GTF2A1L: variants seen among roughly 807,000 people sequenced by gnomAD.
GTF2A1L encodes the protein general transcription factor IIA subunit 1 like.
Under a neutral mutation model 49.7 loss-of-function variants are expected in GTF2A1L, and 48 were observed. The observed-to-expected ratio is 0.97, with a 90% CI of 0.77 to 1.23. The LOEUF (loss-of-function observed/expected upper bound fraction) is 1.23, where lower values mean the gene tolerates loss of function less well. Ranked by LOEUF, GTF2A1L falls within the 50% of genes most tolerant of loss-of-function variation. The pLI is 0.00. For synonymous variants in GTF2A1L, 246 were observed against 193.5 expected, an observed-to-expected ratio of 1.27 and a Z score of -2.25; for missense variants, 736 against 564.8, an observed-to-expected ratio of 1.30 and a Z score of -3.07.
chr2:48,625,159 C>T (rs1676229523), intron 3 of GTF2A1L, among the ~76,000 whole-genome samples: 1 of 143,794 alleles, frequency 7.0e-6, no homozygotes. Flanking sequence ...AATGGCTGAC[C>T]ATTCTGCATT....
At chr2:48,674,626 A>C (rs1026039658) in intron 8 of GTF2A1L, among the ~76,000 whole-genome samples, 33 of 152,302 alleles carry the variant, frequency 2.2e-4, no homozygotes, top group African/African-American at 7.7e-4. Context: ...ATTGCCTTCT[A>C]TAAAAAAACA....
chr2:48,661,308 T>G (rs762655785), intron 6 of GTF2A1L, among the ~76,000 whole-genome samples: 1 of 125,318 alleles, frequency 8.0e-6, no homozygotes, highest in Admixed American at 1.1e-4. Flanking sequence ...CAGGATGGAG[T>G]AGAGTGGCAC....
At chr2:48,673,310 A>G (rs538280006) in intron 8 of GTF2A1L, among the ~76,000 whole-genome samples, 1 of 151,986 alleles carries the variant, frequency 6.6e-6, no homozygotes, top group East Asian at 1.9e-4. Flanking sequence ...GATTAACAAG[A>G]GAAAATCATT....
intron 5 of GTF2A1L, among the ~76,000 whole-genome samples, chr2:48,645,902 C>A (rs192429538): frequency 6.6e-6 from 1 of 151,784 alleles, no homozygotes; most frequent in South Asian, 2.1e-4. Flanking sequence ...CCTGCCTTGG[C>A]CTCCCAAAGT....
intron 8 of GTF2A1L, among the ~76,000 whole-genome samples, chr2:48,674,969 G>A (rs1679386527): frequency 6.6e-6 from 1 of 152,096 alleles, no homozygotes; most frequent in African/African-American, 2.4e-5. Flanking sequence ...AAAGGGGAGT[G>A]ATGTAGTCAG....
chr2:48,678,130 T>C (rs545308811), intron 8 of GTF2A1L, among the ~76,000 whole-genome samples: 1 of 152,038 alleles, frequency 6.6e-6, no homozygotes, highest in South Asian at 2.1e-4. Flanking sequence ...ACTGAAGTAA[T>C]ATGATTTTTA....
chr2:48,665,926 A>G (rs1437497464), intron 6 of GTF2A1L, among the ~76,000 whole-genome samples: 1 of 151,842 alleles, frequency 6.6e-6, no homozygotes, highest in Non-Finnish European at 1.5e-5. Context: ...GTAATTTTAG[A>G]TTTGTCTATT....
At position 48,645,134 on chromosome 2, in the gene GTF2A1L, A is replaced by T; in HGVS notation, c.388+17A>T. 6.3e-7 allele frequency: 1 copy of T among 1,579,308 alleles called. No homozygotes were observed. Among genetic ancestry groups the T allele is most frequent in the Non-Finnish European group, 8.6e-7 (1 of 1,168,428 alleles). ...CTGTATCTGGTGAGAGTATATTCTAAGAATCTTTTTGTTTTCAGCATTGGT... is the reference window on the plus strand; with the variant it reads ...CTGTATCTGGTGAGAGTATATTCTATGAATCTTTTTGTTTTCAGCATTGGT... On this transcript the variant is annotated intron_variant, in intron 5 of 8. Transcript: ENST00000403751.
intron 2 of GTF2A1L, 79 bp from the exon 3 acceptor site, chr2:48,621,082 AGTTTTT>A: frequency 6.6e-7 from 1 of 1,521,824 alleles, no homozygotes; most frequent in Non-Finnish European, 8.8e-7. Context: ...GGATGACGTT[AGTTTTT>A]AAGAAACTGA....
chr2:48,641,750 G>C (rs1019929457), intron 3 of GTF2A1L, among the ~76,000 whole-genome samples: 5 of 152,110 alleles, frequency 3.3e-5, no homozygotes, highest in African/African-American at 1.2e-4. Flanking sequence ...TAAATGAAAG[G>C]CTGGTTAGCA....
chr2:48,652,066 A>C (rs146760515), intron 6 of GTF2A1L, among the ~76,000 whole-genome samples: 7 of 152,166 alleles, frequency 4.6e-5, no homozygotes, highest in Non-Finnish European at 7.3e-5. Context: ...TGAAGAAAAA[A>C]GTTGAGAATG....
intron 3 of GTF2A1L, among the ~76,000 whole-genome samples, chr2:48,628,986 G>C (rs1162485767): frequency 2.1e-5 from 3 of 143,770 alleles, no homozygotes; most frequent in Non-Finnish European, 4.7e-5. Flanking sequence ...GCTCATGCCT[G>C]TAATCCCAGC....
intron 6 of GTF2A1L, among the ~76,000 whole-genome samples, chr2:48,659,705 C>A (rs1188750174): frequency 6.6e-6 from 1 of 151,906 alleles, no homozygotes; most frequent in East Asian, 1.9e-4. Flanking sequence ...CTGTTTGTTC[C>A]TAAATAACCT....
chr2:48,647,266 C>T, intron 6 of GTF2A1L: 1 of 429,064 alleles, frequency 2.3e-6, no homozygotes, highest in Admixed American at 4.0e-5. Flanking sequence ...GTGTACAGAT[C>T]AGTAGTGTTA....
At chr2:48,655,379 C>CA (rs1177560876) in intron 6 of GTF2A1L, among the ~76,000 whole-genome samples, 3 of 151,948 alleles carry the variant, frequency 2.0e-5, no homozygotes, top group Non-Finnish European at 4.4e-5. Flanking sequence ...TAGAGACAGA[C>CA]AGAGTCTCAC....
chr2:48,662,121 A>G (rs1399996848), intron 6 of GTF2A1L, among the ~76,000 whole-genome samples: 1 of 152,320 alleles, frequency 6.6e-6, no homozygotes, highest in East Asian at 1.9e-4. Context: ...TTAATCAGAT[A>G]GTCACTTAAA....
intron 8 of GTF2A1L, among the ~76,000 whole-genome samples, chr2:48,676,925 AT>A (rs71399076): frequency 0.2 from 28,344 of 144,112 alleles, 2,871 homozygotes; most frequent in South Asian, 0.26. Context: ...TCAACTTTTT[AT>A]TTTTTTTTTT....
chr2:48,631,920 A>C (rs1558709052), intron 3 of GTF2A1L, among the ~76,000 whole-genome samples: 1 of 152,184 alleles, frequency 6.6e-6, no homozygotes, highest in Non-Finnish European at 1.5e-5. Flanking sequence ...GTTTACCCAA[A>C]AGTCATTCAG....
Position 48,642,410 on chromosome 2 carries a change from G to A in GTF2A1L, c.256G>A (p.Val86Ile), listed in dbSNP as rs1677249227. ...TTTTGTTTCCTATGCAGCATCATTAGTTATTCCTGCTGGTAGAACTCTTCC... is the reference window on the plus strand; with the variant it reads ...TTTTGTTTCCTATGCAGCATCATTAATTATTCCTGCTGGTAGAACTCTTCC... ...QTLQSSTASL[V>I]IPAGRTLPSF... The change falls in exon 4 of 9, where the codon GTT (valine) becomes ATT (isoleucine). Residue 86 changes from valine (V) to isoleucine (I), a missense_variant. Coordinates refer to ENST00000403751, the MANE Select transcript of GTF2A1L (RefSeq NM_006872.5). 1 of 1,591,462 alleles carries A rather than the reference G, an allele frequency of 6.3e-7. No homozygotes were observed. Among genetic ancestry groups the A allele is most frequent in the Non-Finnish European group, 8.6e-7 (1 of 1,165,232 alleles).
Sources: gnomAD v4.1 joint callset for allele counts (sites outside exome capture counted in the v4.1 genomes callset) on GRCh38, gnomAD v4.1.1 for gene constraint, MANE v1.5 for transcripts, NCBI Gene and HGNC (gene_info 2026-07-23, HGNC 2026-07-21) for gene names.